LGALS8: variants seen among roughly 807,000 people sequenced by gnomAD.
The protein encoded by LGALS8 is galectin 8.
A neutral mutation model predicts 35.9 loss-of-function variants in LGALS8; 30 were observed. The observed-to-expected ratio is 0.83, with a 90% CI of 0.62 to 1.13. The LOEUF (loss-of-function observed/expected upper bound fraction) is 1.13. Among genes scored for constraint, LGALS8 ranks in the 50% most tolerant of loss-of-function variants. LGALS8 has a pLI of 0.00. For synonymous variants in LGALS8, 138 were observed against 136.1 expected (o/e 1.01, Z -0.10); for missense variants, 366 against 388.7 (o/e 0.94, Z 0.49).
upstream of LGALS8, among the ~76,000 whole-genome samples, chr1:236,520,790 G>A (rs1558151182): frequency 1.3e-5 from 2 of 152,186 alleles, no homozygotes; most frequent in East Asian, 1.9e-4. Flanking sequence ...ATCTCATGAT[G>A]TCATATCATT....
Position 236,547,886 on chromosome 1 carries a change from C to T in LGALS8, c.805-126C>T, listed in dbSNP as rs1451565692. On this transcript the variant is annotated intron_variant, in intron 9 of 9. Coordinates refer to ENST00000366584, the MANE Select transcript of LGALS8 (RefSeq NM_201544.4). ...AGGGTCTTGGAAGTCAGAAGGAAGTCAGCAGCAGCAGGCTGGAACTTTTCT... is the reference window on the plus strand; with the variant it reads ...AGGGTCTTGGAAGTCAGAAGGAAGTTAGCAGCAGCAGGCTGGAACTTTTCT... 1.8e-5 allele frequency: 14 copies of T among 799,086 alleles called. 1 individual carries two copies. Among genetic ancestry groups the T allele is most frequent in the South Asian group, 1.7e-4 (10 of 57,770 alleles). 49.5% of individuals were successfully genotyped at this position (799,086 alleles called of 1,614,324 possible).
rs534961534 is a variant in LGALS8, at chr1:236,524,398, A to G, written c.-104+337A>G. 8.8e-3 allele frequency: 4,010 copies of G among 455,614 alleles called. 102 individuals carry two copies. Among genetic ancestry groups the G allele is most frequent in the South Asian group, 0.046 (2,962 of 64,570 alleles). The allele number at this position is 455,614 out of a possible 1,614,324, so 28.2% of individuals were successfully genotyped here. ...CCCACCCCACCTGGGCTGCTTTCTC[A>G]CCTGTTCCCTCCTAGCCTGAGGCCG... On this transcript the variant is annotated intron_variant, in intron 1 of 9. Transcript: ENST00000366584.
intron 9 of LGALS8, among the ~76,000 whole-genome samples, chr1:236,546,818 T>A (rs77653188): frequency 0.025 from 3,771 of 152,352 alleles, 53 homozygotes; most frequent in Middle Eastern, 0.048. Flanking sequence ...GTTAAATATA[T>A]CTGGGGTCCC....
Position 236,526,105 on chromosome 1 carries a change from T to C in LGALS8, c.35T>C (p.Ile12Thr), listed in dbSNP as rs764249343. 6.2e-7 allele frequency: 1 copy of C among 1,609,460 alleles called. No individual in the cohort carries two copies. The highest frequency in any genetic ancestry group is 8.5e-7 in the Non-Finnish European group (1 of 1,176,146). ...MLSLNNLQNI[I>T]YNPVIPFVGT... The stretch of plus-strand genomic sequence containing the variant: ...TCCTTAAACAACCTACAGAATATCA[T>C]CTATAACCCGGTAACTGATTTCTAT... The change falls in exon 2 of 10, where the codon ATC (isoleucine) becomes ACC (threonine). Residue 12 changes from isoleucine to threonine, a missense_variant. By Grantham distance (89) the Ile-to-Thr change is moderately conservative. Transcript: ENST00000366584. The surrounding 1 kb of genome is among the most constrained non-coding windows in gnomAD (Gnocchi z 4.6).
At chr1:236,524,695 C>G in intron 1 of LGALS8, 1 of 318,026 alleles carries the variant, frequency 3.1e-6, no homozygotes, top group Non-Finnish European at 6.3e-6. Context: ...TGATTTAATG[C>G]AAGCAGATGG....
intron 1 of LGALS8, chr1:236,518,337 T>C (rs541070277): frequency 1.3e-5 from 2 of 152,138 alleles, no homozygotes; most frequent in African/African-American, 4.8e-5. Context: ...AAAAAAGAGT[T>C]TGGTGCTCAT....
At chr1:236,537,778 C>T (rs1661641197) in intron 3 of LGALS8, among the ~76,000 whole-genome samples, 193 bp downstream of exon 3, 1 of 133,456 alleles carries the variant, frequency 7.5e-6, no homozygotes, top group Non-Finnish European at 1.7e-5. Context: ...TATTTCATTG[C>T]TGTAAGTCTG....
chr1:236,533,785 T>C (rs780479148), intron 2 of LGALS8, among the ~76,000 whole-genome samples: 8 of 152,086 alleles, frequency 5.3e-5, no homozygotes, highest in African/African-American at 1.2e-4. Flanking sequence ...GCTTGGAGAA[T>C]AGGTAGCCAC....
chr1:236,552,160 A>T lies in LGALS8; in HGVS notation c.*3999A>T. The T allele has an allele frequency of 8.3e-7, 1 of 1,203,208 alleles. No homozygotes were observed. The highest frequency in any genetic ancestry group is 1.2e-6 in the Non-Finnish European group (1 of 813,992). The allele number at this position is 1,203,208 out of a possible 1,614,324, so 74.5% of individuals were successfully genotyped here. A position where few individuals can be genotyped will look rare whatever the true frequency, so the allele number is the denominator to read the frequency against. ...AAAAAGTAGTGTTACTGTATTTATTATCTTAAGAGCTGTACTGACTTGAGA... is the reference window on the plus strand; with the variant it reads ...AAAAAGTAGTGTTACTGTATTTATTTTCTTAAGAGCTGTACTGACTTGAGA... On this transcript the variant is annotated 3_prime_UTR_variant, in exon 10 of 10. Transcript: ENST00000366584.
intron 8 of LGALS8, among the ~76,000 whole-genome samples, chr1:236,544,185 T>C (rs1199118411): frequency 4.6e-5 from 7 of 152,184 alleles, no homozygotes; most frequent in Non-Finnish European, 1.0e-4. Flanking sequence ...ACTCCTGACC[T>C]CAAGTGATCC....
At chr1:236,528,708 A>G (rs1558155957) in intron 2 of LGALS8, among the ~76,000 whole-genome samples, 1 of 149,492 alleles carries the variant, frequency 6.7e-6, no homozygotes, top group East Asian at 2.0e-4. Flanking sequence ...TAATTTTTGT[A>G]TTTTTTTTGG....
chr1:236,518,829 G>T, upstream of LGALS8, among the ~76,000 whole-genome samples: 1 of 152,162 alleles, frequency 6.6e-6, no homozygotes, highest in African/African-American at 2.4e-5. Flanking sequence ...GCTATTTCAT[G>T]GATGGTTGGA....
Position 236,538,872 on chromosome 1 carries a change from C to T in LGALS8, c.135-7C>T. The T allele has an allele frequency of 1.2e-6, 2 of 1,609,002 alleles. No homozygotes were observed. The highest frequency in any genetic ancestry group is 1.1e-5 in the South Asian group (1 of 90,952). ...CTCATGGGGCCCCTGTGTCTTCCCT[C>T]ATATAGATTCCAGGTGGATCTGCAG... On this transcript the variant is annotated splice_region_variant and splice_polypyrimidine_tract_variant and intron_variant, in intron 3 of 9. Coordinates refer to ENST00000366584, the MANE Select transcript of LGALS8 (RefSeq NM_201544.4).
intron 2 of LGALS8, among the ~76,000 whole-genome samples, chr1:236,527,585 T>C (rs1271426986): frequency 6.6e-6 from 1 of 152,166 alleles, no homozygotes; most frequent in African/African-American, 2.4e-5. Flanking sequence ...GCAAAAACAT[T>C]TTGCGCTCTC....
At chr1:236,542,413 GA>G (rs1261350712) in intron 6 of LGALS8, 2 of 291,188 alleles carry the variant, frequency 6.9e-6, no homozygotes, top group Non-Finnish European at 1.3e-5. Flanking sequence ...CCAGGAGGTT[GA>G]GGCTGCAGTG....
chr1:236,543,481 G>A (rs1572016560), intron 7 of LGALS8, 79 bp from the exon 8 acceptor site: 9 of 1,032,788 alleles, frequency 8.7e-6, no homozygotes, highest in South Asian at 6.4e-5. Context: ...GAAACATTCC[G>A]TAGTGTTCTT....
chr1:236,539,698 A>C (rs28621624), intron 4 of LGALS8, among the ~76,000 whole-genome samples: 92,768 of 151,890 alleles, frequency 0.61, 29,225 homozygotes, highest in Non-Finnish European at 0.69. Flanking sequence ...AGAAGACTCG[A>C]ATGCCTCTGG....
intron 4 of LGALS8, among the ~76,000 whole-genome samples, chr1:236,539,742 C>T (rs1477527954): frequency 6.6e-6 from 1 of 152,242 alleles, no homozygotes; most frequent in African/African-American, 2.4e-5. Flanking sequence ...GATACTGCTC[C>T]TGCCCGAAAG....
At chr1:236,527,457 A>G (rs1660874508) in intron 2 of LGALS8, among the ~76,000 whole-genome samples, 1 of 152,246 alleles carries the variant, frequency 6.6e-6, no homozygotes, top group South Asian at 2.1e-4. Context: ...AGGATAATGC[A>G]TTTCCAAGGG....
Sources: gnomAD v4.1 joint callset for allele counts (sites outside exome capture counted in the v4.1 genomes callset) on GRCh38, gnomAD v4.1.1 for gene constraint, Gnocchi (gnomAD v3.1) non-coding constraint, MANE v1.5 for transcripts, NCBI Gene and HGNC (gene_info 2026-07-23, HGNC 2026-07-21) for gene names.